The following UBE2E2 variants were observed in gnomAD, a reference collection of about 807,000 sequenced individuals.
UBE2E2 encodes the protein ubiquitin-conjugating enzyme E2 E2.
Under a neutral mutation model 24.7 loss-of-function variants are expected in UBE2E2, and 6 were observed. The observed-to-expected ratio is 0.24, with a 90% confidence interval of 0.13 to 0.48. The LOEUF is 0.48. Ranked by LOEUF, UBE2E2 falls within the 20% of genes least tolerant of loss-of-function variation. The pLI is 0.99. For synonymous variants in UBE2E2, 104 were observed against 83.6 expected, an observed-to-expected ratio of 1.24 and a Z score of -1.33; for missense variants, 169 against 245.0, an observed-to-expected ratio of 0.69 and a Z score of 2.07.
chr3:23,502,173 C>T (rs900668440), intron 4 of UBE2E2, among the ~76,000 whole-genome samples: 2 of 151,506 alleles, frequency 1.3e-5, no homozygotes, highest in African/African-American at 2.4e-5. Flanking sequence ...GTAAATAGTA[C>T]ATGTTTCAAG....
chr3:23,451,019 A>T (rs1698549730), intron 3 of UBE2E2, among the ~76,000 whole-genome samples: 1 of 152,252 alleles, frequency 6.6e-6, no homozygotes, highest in African/African-American at 2.4e-5. Flanking sequence ...ATAAAATGTT[A>T]ATAAGAGAAA....
chr3:23,385,097 A>G (rs1575598283), intron 3 of UBE2E2, among the ~76,000 whole-genome samples: 1 of 152,168 alleles, frequency 6.6e-6, no homozygotes, highest in Middle Eastern at 3.2e-3. Context: ...CACCTGGCCA[A>G]TGAAAAATAC....
At chr3:23,257,414 G>A (rs1697757065) in intron 3 of UBE2E2, among the ~76,000 whole-genome samples, 1 of 149,676 alleles carries the variant, frequency 6.7e-6, no homozygotes, top group Non-Finnish European at 1.5e-5. Context: ...ATAAGTGGAG[G>A]TCTGCAACAA....
intron 4 of UBE2E2, among the ~76,000 whole-genome samples, chr3:23,504,856 C>T (rs1043163794): frequency 2.7e-5 from 4 of 149,132 alleles, no homozygotes. Context: ...CTACCAAAAA[C>T]ACTTTGAAAA....
intron 3 of UBE2E2, among the ~76,000 whole-genome samples, chr3:23,292,284 C>G (rs1698790883): frequency 6.6e-6 from 1 of 152,142 alleles, no homozygotes. Flanking sequence ...GCTTAAGGGA[C>G]AACTCTATAT....
chr3:23,389,507 T>G (rs71322180), intron 3 of UBE2E2, among the ~76,000 whole-genome samples: 15,483 of 152,164 alleles, frequency 0.1, 927 homozygotes, highest in East Asian at 0.13. Flanking sequence ...GAGTGAAAGG[T>G]GCAGTGCTTT....
intron 3 of UBE2E2, among the ~76,000 whole-genome samples, chr3:23,485,538 AAAAC>A (rs1699348745): frequency 1.3e-5 from 2 of 152,174 alleles, no homozygotes; most frequent in Non-Finnish European, 2.9e-5. Flanking sequence ...AACAAAAACA[AAAAC>A]AAACAAAAAA....
intron 3 of UBE2E2, among the ~76,000 whole-genome samples, chr3:23,435,470 A>G (rs1449987516): frequency 6.6e-6 from 1 of 152,200 alleles, no homozygotes; most frequent in Non-Finnish European, 1.5e-5. Context: ...GATTCCTGCC[A>G]TAGGGTTATG....
chr3:23,337,169 A>G (rs1237649515), intron 3 of UBE2E2, among the ~76,000 whole-genome samples: 1 of 151,812 alleles, frequency 6.6e-6, no homozygotes, highest in Non-Finnish European at 1.5e-5. Flanking sequence ...TCAGCTGATT[A>G]CTACTTTATA....
At chr3:23,294,584 TATTA>T (rs1698857396) in intron 3 of UBE2E2, among the ~76,000 whole-genome samples, 1 of 149,288 alleles carries the variant, frequency 6.7e-6, no homozygotes, top group Non-Finnish European at 1.5e-5. Flanking sequence ...TTTTTATCTT[TATTA>T]GTTTTTTTAT....
intron 3 of UBE2E2, among the ~76,000 whole-genome samples, chr3:23,260,298 T>C (rs1697860913): frequency 6.6e-6 from 1 of 152,236 alleles, no homozygotes; most frequent in African/African-American, 2.4e-5. Context: ...TTGTAAATTA[T>C]TAGCCTGTGC....
At chr3:23,239,573 A>T (rs1166195091) in intron 3 of UBE2E2, among the ~76,000 whole-genome samples, 1 of 152,208 alleles carries the variant, frequency 6.6e-6, no homozygotes, top group Admixed American at 6.5e-5. Flanking sequence ...TAACATAATT[A>T]AAGCATTTAG....
chr3:23,353,022 A>C (rs1695808673), intron 3 of UBE2E2, among the ~76,000 whole-genome samples: 1 of 152,222 alleles, frequency 6.6e-6, no homozygotes, highest in Non-Finnish European at 1.5e-5. Context: ...AGCACATCAA[A>C]AAGCTTATCC....
chr3:23,244,132 T>TG (rs1205125793), intron 3 of UBE2E2, among the ~76,000 whole-genome samples: 8 of 2,702 alleles, frequency 3.0e-3, no homozygotes, highest in African/African-American at 6.3e-3. Context: ...TGCATTTCAT[T>TG]TGGAAAAAAA....
At chr3:23,522,818 G>A (rs754433965) in intron 4 of UBE2E2, among the ~76,000 whole-genome samples, 6 of 151,970 alleles carry the variant, frequency 3.9e-5, no homozygotes, top group Non-Finnish European at 7.4e-5. Flanking sequence ...TCTCAAACTA[G>A]TGTTACCTGA....
intron 1 of UBE2E2, chr3:23,204,696 C>T (rs1476998557): frequency 1.0e-6 from 1 of 985,234 alleles, no homozygotes; most frequent in Admixed American, 6.2e-5. Flanking sequence ...GCACCTTTTA[C>T]CCCCAAATCA....
chr3:23,359,902 A>G (rs1249811651), intron 3 of UBE2E2, among the ~76,000 whole-genome samples: 1 of 152,184 alleles, frequency 6.6e-6, no homozygotes, highest in Non-Finnish European at 1.5e-5. Flanking sequence ...TGACTGTAGG[A>G]TCACATCCCT....
At chr3:23,259,853 C>A (rs1041727214) in intron 3 of UBE2E2, among the ~76,000 whole-genome samples, 2 of 152,154 alleles carry the variant, frequency 1.3e-5, no homozygotes, top group Non-Finnish European at 2.9e-5. Flanking sequence ...ATTAACTTTT[C>A]TCTGCTTTAT....
intron 3 of UBE2E2, among the ~76,000 whole-genome samples, chr3:23,369,934 A>T (rs141751915): frequency 1.4e-3 from 211 of 152,262 alleles, no homozygotes; most frequent in African/African-American, 4.7e-3. Context: ...ATAATTTTTT[A>T]AAAGTTGTCA....
Sources: allele counts gnomAD v4.1 joint callset (sites outside exome capture counted in the v4.1 genomes callset), GRCh38; gene constraint gnomAD v4.1.1; transcripts MANE v1.5; gene names NCBI Gene and HGNC (gene_info 2026-07-23, HGNC 2026-07-21).